The following RAB6B variants were observed in gnomAD, a reference collection of about 807,000 sequenced individuals.
The protein encoded by RAB6B is RAB6B, member RAS oncogene family, also known as ras-related protein Rab-6B.
Under a neutral mutation model 31.2 loss-of-function variants are expected in RAB6B, and 7 were observed. The ratio of observed to expected loss-of-function variants is 0.22; its 90% confidence interval spans 0.13 to 0.42. The LOEUF (loss-of-function observed/expected upper bound fraction) is 0.42, where lower values mean the gene tolerates loss of function less well. RAB6B is among the 10% of genes least tolerant of loss of function. RAB6B has a pLI of 1.00. For synonymous variants in RAB6B, 105 were observed against 104.9 expected (o/e 1.00, Z -0.01); for missense variants, 149 against 280.6 (o/e 0.53, Z 3.35).
Position 133,864,583 on chromosome 3 carries a change from C to A in RAB6B, c.129+1G>T. The A allele has an allele frequency of 6.2e-7, 1 of 1,613,968 alleles. No homozygotes were observed. The highest frequency in any genetic ancestry group is 8.5e-7 in the Non-Finnish European group (1 of 1,179,814). On this transcript the variant is annotated splice_donor_variant, in intron 2 of 7. Coordinates refer to ENST00000285208, the MANE Select transcript of RAB6B (RefSeq NM_016577.4). LOFTEE classifies it high-confidence loss of function. ...TGGAGGGTGAGCACCCAGGACCTCA[C>A]CTGGTATGTGTTGTCGAAGCTGTCG...
At chr3:133,848,292 G>A (rs1330872936) in intron 2 of RAB6B, among the ~76,000 whole-genome samples, 5 of 152,242 alleles carry the variant, frequency 3.3e-5, no homozygotes, top group Admixed American at 1.3e-4. Context: ...ATACTGAACT[G>A]GTTGCTTGGC....
intron 2 of RAB6B, among the ~76,000 whole-genome samples, chr3:133,856,204 C>T (rs1559905713): frequency 6.6e-6 from 1 of 152,104 alleles, no homozygotes; most frequent in Non-Finnish European, 1.5e-5. Context: ...TAGGAGGGGA[C>T]TACATTTCTA....
chr3:133,875,172 G>A (rs1046863501), intron 1 of RAB6B, among the ~76,000 whole-genome samples: 1 of 152,298 alleles, frequency 6.6e-6, no homozygotes, highest in Admixed American at 6.5e-5. Context: ...GCGGTCTGTC[G>A]TTAACCAAAA....
intron 2 of RAB6B, among the ~76,000 whole-genome samples, chr3:133,854,125 C>A (rs1377627507): frequency 6.6e-6 from 1 of 152,166 alleles, no homozygotes. Context: ...AAACACGAAC[C>A]CAATGTTTCC....
At chr3:133,830,775 C>T (rs111968005) in intron 7 of RAB6B, among the ~76,000 whole-genome samples, 241 of 152,330 alleles carry the variant, frequency 1.6e-3, no homozygotes, top group African/African-American at 5.6e-3. Flanking sequence ...CTGTGCTAAG[C>T]CCCTTGTGGA....
chr3:133,895,376 G>T, intron 1 of RAB6B, 21 bp downstream of exon 1: 2 of 1,607,648 alleles, frequency 1.2e-6, no homozygotes, highest in Non-Finnish European at 1.7e-6. Context: ...GACAAGCCAA[G>T]AGATTAAGCC....
At chr3:133,873,535 G>A (rs1178868569) in intron 1 of RAB6B, among the ~76,000 whole-genome samples, 1 of 152,182 alleles carries the variant, frequency 6.6e-6, no homozygotes, top group Non-Finnish European at 1.5e-5. Context: ...AGCCGCCACA[G>A]AGGAGGGCTC....
At chr3:133,883,823 T>C (rs2108013652) in intron 1 of RAB6B, among the ~76,000 whole-genome samples, 1 of 152,372 alleles carries the variant, frequency 6.6e-6, no homozygotes, top group East Asian at 1.9e-4. Flanking sequence ...GACTTGTCCC[T>C]GGTGCACAGG....
intron 1 of RAB6B, among the ~76,000 whole-genome samples, chr3:133,870,550 G>A (rs1936308090): frequency 6.6e-6 from 1 of 152,138 alleles, no homozygotes; most frequent in South Asian, 2.1e-4. Flanking sequence ...CAGATTCAGA[G>A]AGGAGCCCAG....
rs539333768 is a variant in RAB6B at position 133,828,818 on chromosome 3, G to T, written c.597C>A (p.Pro199=). 1 of 1,613,268 alleles carries T rather than the reference G, an allele frequency of 6.2e-7. No individual in the cohort carries two copies. Among genetic ancestry groups the T allele is most frequent in the East Asian group, 2.2e-5 (1 of 44,870 alleles). The stretch of plus-strand genomic sequence containing the variant: ...AGGAGCAGCCGCCCTCGCTGGCCGG[G>T]GGCTCCTGGGGTTTGTCCAGCTTGA... The part of the protein sequence containing the change: ...IDIKLDKPQE[P]PASEGGCSC The change falls in exon 8 of 8, where the codon CCC becomes CCA. Residue 199 remains proline (P), a synonymous_variant. Transcript: ENST00000285208.
chr3:133,865,696 T>C (rs1022418189), intron 1 of RAB6B, among the ~76,000 whole-genome samples: 2 of 152,152 alleles, frequency 1.3e-5, no homozygotes, highest in African/African-American at 2.4e-5. Flanking sequence ...ACCCTCACCC[T>C]CCCATTTCCC....
intron 2 of RAB6B, among the ~76,000 whole-genome samples, chr3:133,850,950 T>C (rs1935975743): frequency 2.7e-5 from 4 of 149,038 alleles, no homozygotes; most frequent in Admixed American, 6.7e-5. Flanking sequence ...ATAACAGGGA[T>C]GACGGCTGCC....
chr3:133,880,418 C>T (rs1252761574), intron 1 of RAB6B, among the ~76,000 whole-genome samples: 2 of 152,160 alleles, frequency 1.3e-5, no homozygotes, highest in East Asian at 1.9e-4. Flanking sequence ...CCAATGGGCC[C>T]GTAACACCCA....
At chr3:133,832,485 C>A (rs534092708) in intron 7 of RAB6B, among the ~76,000 whole-genome samples, 11 of 152,188 alleles carry the variant, frequency 7.2e-5, no homozygotes, top group Non-Finnish European at 1.3e-4. Context: ...GTTTATACAG[C>A]GCCACAAAGC....
chr3:133,865,770 G>A (rs915285471), intron 1 of RAB6B, among the ~76,000 whole-genome samples: 1 of 152,270 alleles, frequency 6.6e-6, no homozygotes, highest in Non-Finnish European at 1.5e-5. Flanking sequence ...GGAGGGAGCA[G>A]GACAAGCCAA....
At chr3:133,838,840 A>C (rs185535206) in intron 5 of RAB6B, among the ~76,000 whole-genome samples, 2 of 152,296 alleles carry the variant, frequency 1.3e-5, no homozygotes, top group East Asian at 3.9e-4. Flanking sequence ...TCAGGTGGTC[A>C]AGGGACGCTG....
chr3:133,861,643 G>A (rs1364805163), intron 2 of RAB6B, among the ~76,000 whole-genome samples: 1 of 152,214 alleles, frequency 6.6e-6, no homozygotes, highest in African/African-American at 2.4e-5. Flanking sequence ...CAGATTCTGT[G>A]GCCAGGCCAC....
chr3:133,849,701 C>T (rs2107995464), intron 2 of RAB6B, among the ~76,000 whole-genome samples: 1 of 152,336 alleles, frequency 6.6e-6, no homozygotes, highest in Admixed American at 6.5e-5. Context: ...ACCTGTCATG[C>T]ACCCTGAAGC....
At chr3:133,887,371 G>A (rs1163136039) in intron 1 of RAB6B, among the ~76,000 whole-genome samples, 3 of 152,184 alleles carry the variant, frequency 2.0e-5, no homozygotes, top group Non-Finnish European at 4.4e-5. Context: ...TCAGGTGTAG[G>A]GGGCCAGGAA....
Sources: gnomAD v4.1 joint callset for allele counts (sites outside exome capture counted in the v4.1 genomes callset) on GRCh38, gnomAD v4.1.1 for gene constraint, MANE v1.5 for transcripts, NCBI Gene and HGNC (gene_info 2026-07-23, HGNC 2026-07-21) for gene names.